The following SYT14 variants were observed in gnomAD, a reference collection of about 807,000 sequenced individuals.
SYT14 encodes synaptotagmin-14.
SYT14 carries 32 observed loss-of-function variants against 74.2 expected under a neutral mutation model. The observed-to-expected ratio is 0.43, with a 90% CI of 0.33 to 0.58. The LOEUF is 0.58. Among genes scored for constraint, SYT14 ranks in the 20% least tolerant of loss-of-function variants. The pLI is 0.05. For missense variants in SYT14, 791 were observed against 981.8 expected (o/e 0.81, Z 2.60); for synonymous variants, 298 against 337.7 (o/e 0.88, Z 1.29).
chr1:210,101,689 C>T (rs916805386), intron 7 of SYT14, among the ~76,000 whole-genome samples: 7 of 148,430 alleles, frequency 4.7e-5, no homozygotes, highest in East Asian at 2.0e-4. Context: ...GGCAATATTT[C>T]GGAGGGGGGA....
At chr1:210,017,603 G>A (rs905847120) in intron 4 of SYT14, among the ~76,000 whole-genome samples, 6 of 151,436 alleles carry the variant, frequency 4.0e-5, no homozygotes, top group African/African-American at 7.3e-5. Context: ...TATTCATTTC[G>A]CCCATACATT....
At chr1:210,065,217 C>A (rs1224549308) in intron 5 of SYT14, among the ~76,000 whole-genome samples, 1 of 152,006 alleles carries the variant, frequency 6.6e-6, no homozygotes, top group African/African-American at 2.4e-5. Flanking sequence ...TTCGCTTTGT[C>A]CCCACCCAAA....
intron 5 of SYT14, among the ~76,000 whole-genome samples, chr1:210,072,071 C>CCTTTTTAAA (rs2081405025): frequency 6.6e-6 from 1 of 150,512 alleles, no homozygotes; most frequent in Admixed American, 6.6e-5. Flanking sequence ...ATTTTCTATT[C>CCTTTTTAAA]AATAATTTGA....
chr1:210,132,124 A>G (rs1028597239), intron 7 of SYT14, among the ~76,000 whole-genome samples: 1 of 151,864 alleles, frequency 6.6e-6, no homozygotes, highest in African/African-American at 2.4e-5. Flanking sequence ...CTGTGTTACT[A>G]TGTGTTGCCC....
At chr1:210,030,772 T>C (rs1358120982) in intron 5 of SYT14, among the ~76,000 whole-genome samples, 2 of 152,156 alleles carry the variant, frequency 1.3e-5, no homozygotes, top group African/African-American at 4.8e-5. Flanking sequence ...TGCATGTCTG[T>C]GTGTGGCTGT....
chr1:210,012,674 G>A (rs970733814), intron 2 of SYT14, among the ~76,000 whole-genome samples: 4 of 151,686 alleles, frequency 2.6e-5, no homozygotes, highest in Admixed American at 6.6e-5. Context: ...TAATATATCC[G>A]TGCATCAGAT....
chr1:210,111,662 A>G (rs2082264660), intron 7 of SYT14, among the ~76,000 whole-genome samples: 1 of 151,102 alleles, frequency 6.6e-6, no homozygotes, highest in South Asian at 2.1e-4. Context: ...GTTAGAAGAA[A>G]CATTTGTTGT....
intron 2 of SYT14, among the ~76,000 whole-genome samples, chr1:209,970,579 G>GT (rs1453810679): frequency 1.4e-5 from 2 of 141,382 alleles, no homozygotes; most frequent in East Asian, 2.3e-4. Flanking sequence ...TTTTAGAATA[G>GT]TTTTTTTCTA....
chr1:209,965,178 A>C (rs371274909), intron 2 of SYT14, among the ~76,000 whole-genome samples: 1 of 152,220 alleles, frequency 6.6e-6, no homozygotes, highest in African/African-American at 2.4e-5. Flanking sequence ...TGTTGGATCC[A>C]TCACCCAAAG....
intron 1 of SYT14, among the ~76,000 whole-genome samples, chr1:209,950,452 C>CA (rs2078894341): frequency 6.6e-6 from 1 of 152,170 alleles, no homozygotes; most frequent in Non-Finnish European, 1.5e-5. Flanking sequence ...TCTAGCCTTT[C>CA]AGCAAGTGAT....
In SYT14 at chr1:210,161,632, C is replaced by CT. The variant is rs1463227569; in HGVS notation, c.*591dup. ...TCAGTTCCTCTCAAAAGCACTAAAT[C>CT]TAAGTGCAAACAAGTATTCATTTTC... On this transcript the variant is annotated 3_prime_UTR_variant, in exon 10 of 10. Coordinates refer to ENST00000637265, the Ensembl canonical transcript of SYT14. 1.8e-5 allele frequency: 8 copies of CT among 453,804 alleles called. No homozygotes were observed. In the East Asian group the frequency reaches 5.6e-4, roughly 32 times the overall value. The allele number at this position is 453,804 out of a possible 1,614,324, so 28.1% of individuals were successfully genotyped here.
chr1:210,058,622 A>G (rs2102403538), intron 5 of SYT14, among the ~76,000 whole-genome samples: 1 of 152,240 alleles, frequency 6.6e-6, no homozygotes, highest in African/African-American at 2.4e-5. Context: ...GCTGAATATC[A>G]CCCAAATGAA....
intron 1 of SYT14, among the ~76,000 whole-genome samples, chr1:209,951,362 A>T (rs1414199704): frequency 1.3e-5 from 2 of 152,156 alleles, no homozygotes; most frequent in Non-Finnish European, 2.9e-5. Flanking sequence ...TGTAGATTCC[A>T]CATACAAGTG....
At chr1:210,065,901 G>T (rs1199419786) in intron 5 of SYT14, among the ~76,000 whole-genome samples, 1 of 132,872 alleles carries the variant, frequency 7.5e-6, no homozygotes, top group East Asian at 2.4e-4. Flanking sequence ...AACAGTCCCC[G>T]GTGTGTGATG....
intron 5 of SYT14, among the ~76,000 whole-genome samples, chr1:210,023,853 G>T (rs2102964651): frequency 6.6e-6 from 1 of 152,184 alleles, no homozygotes; most frequent in East Asian, 1.9e-4. Flanking sequence ...ATCTTTGTTT[G>T]AAGAAGGGGA....
intron 5 of SYT14, among the ~76,000 whole-genome samples, chr1:210,069,741 T>C (rs915216118): frequency 7.2e-5 from 11 of 152,074 alleles, no homozygotes; most frequent in Admixed American, 6.6e-5. Context: ...ATTATTCTTA[T>C]TTGAACGTGT....
At chr1:210,023,229 T>C (rs1164556244) in intron 5 of SYT14, among the ~76,000 whole-genome samples, 2 of 152,200 alleles carry the variant, frequency 1.3e-5, no homozygotes, top group African/African-American at 4.8e-5. Context: ...CATAAGCTTG[T>C]TTATCTCAAA....
chr1:210,014,122 A>G (rs939508723), intron 3 of SYT14, among the ~76,000 whole-genome samples: 11 of 152,120 alleles, frequency 7.2e-5, no homozygotes, highest in Admixed American at 6.5e-4. Flanking sequence ...GTGTACTTCC[A>G]TTGTCCAAGT....
At chr1:209,968,550 A>T (rs1572083911) in intron 2 of SYT14, among the ~76,000 whole-genome samples, 1 of 151,170 alleles carries the variant, frequency 6.6e-6, no homozygotes, top group Non-Finnish European at 1.5e-5. Context: ...TCCCTTTCCC[A>T]CCTCCACCCA....
Sources: gnomAD v4.1 joint callset for allele counts (sites outside exome capture counted in the v4.1 genomes callset) on GRCh38, gnomAD v4.1.1 for gene constraint, MANE v1.5 for transcripts, NCBI Gene and HGNC (gene_info 2026-07-23, HGNC 2026-07-21) for gene names.